TRAPPC10: variants seen among roughly 807,000 people sequenced by gnomAD.
TRAPPC10 encodes the protein TRAPP 130 kDa subunit.
In TRAPPC10, 23 loss-of-function variants were observed where a neutral mutation model predicts 125.5. The ratio of observed to expected loss-of-function variants is 0.18; its 90% CI spans 0.13 to 0.26. The LOEUF (loss-of-function observed/expected upper bound fraction) is 0.26, where lower values mean the gene tolerates loss of function less well. TRAPPC10 is among the 10% of genes least tolerant of loss of function. The probability of loss-of-function intolerance (pLI) is 1.00; values close to 1 mark genes in which losing one functional copy is unlikely to be tolerated. For missense variants in TRAPPC10, 1,123 were observed against 1,308.4 expected (o/e 0.86, Z 2.19); for synonymous variants, 509 against 518.0 (o/e 0.98, Z 0.24).
chr21:44,092,039 A>G lies in TRAPPC10; in HGVS notation c.2987A>G (p.Gln996Arg). The change falls in exon 19 of 23, where the codon CAG becomes CGG. Residue 996 changes from glutamine (Q) to arginine (R), a missense_variant. Transcript: ENST00000291574. ...TDLQLVPLNT[Q>R]SQQPIYSKQS... Reference sequence around the variant, plus strand: ...CTGCAACTAGTACCACTGAACACGCAGTCCCAGCAGGTAAACATTGTGTAG... The same window carrying G: ...CTGCAACTAGTACCACTGAACACGCGGTCCCAGCAGGTAAACATTGTGTAG... 4 of 1,614,136 alleles carry G rather than the reference A, an allele frequency of 2.5e-6. No homozygotes were observed. The highest frequency in any genetic ancestry group is 3.4e-6 in the Non-Finnish European group (4 of 1,179,996).
At chr21:44,032,320 G>T in intron 2 of TRAPPC10, 148 bp downstream of exon 2, 1 of 551,262 alleles carries the variant, frequency 1.8e-6, no homozygotes, top group Non-Finnish European at 3.1e-6. Flanking sequence ...GAAACAGAAT[G>T]ACCTCACATA....
intron 3 of TRAPPC10, among the ~76,000 whole-genome samples, chr21:44,040,816 A>C (rs56218303): frequency 6.9e-6 from 1 of 145,176 alleles, no homozygotes; most frequent in South Asian, 2.2e-4. Context: ...GGATCTTACC[A>C]TGTTGCCCAG....
At chr21:44,016,945 G>T (rs896751975) in intron 1 of TRAPPC10, among the ~76,000 whole-genome samples, 1 of 152,170 alleles carries the variant, frequency 6.6e-6, no homozygotes, top group Non-Finnish European at 1.5e-5. Context: ...ATGAGCCACC[G>T]CGCCCAGCCA....
chr21:44,091,828 A>AT, intron 18 of TRAPPC10, 95 bp from the exon 19 acceptor site: 1 of 1,212,080 alleles, frequency 8.3e-7, no homozygotes. Flanking sequence ...TGCTTTTTTG[A>AT]TTCCCCAGGC....
In TRAPPC10 at chr21:44,084,049, C is replaced by T. The variant is rs1357125761; in HGVS notation, c.2239-73C>T. The T allele has an allele frequency of 7.0e-6, 11 of 1,576,464 alleles. No homozygotes were observed. In the East Asian group the frequency reaches 2.5e-4, roughly 35 times the overall value. On this transcript the variant is annotated intron_variant, in intron 14 of 22. Coordinates refer to ENST00000291574, the MANE Select transcript of TRAPPC10 (RefSeq NM_003274.5). ...TTTCTGGAGTTCAGAGAGACCGCTGCACCGCGCTACCGCAGGAAGCTAACT... is the reference window on the plus strand; with the variant it reads ...TTTCTGGAGTTCAGAGAGACCGCTGTACCGCGCTACCGCAGGAAGCTAACT...
intron 18 of TRAPPC10, among the ~76,000 whole-genome samples, chr21:44,091,156 A>C (rs1455255764): frequency 6.6e-6 from 1 of 152,182 alleles, no homozygotes; most frequent in Non-Finnish European, 1.5e-5. Flanking sequence ...GTGCCATTGC[A>C]CCCCAGCCTG....
chr21:44,095,859 TGCCTG>T, intron 20 of TRAPPC10, among the ~76,000 whole-genome samples: 1 of 152,088 alleles, frequency 6.6e-6, no homozygotes, highest in Non-Finnish European at 1.5e-5. Context: ...TGAGCCGCCG[TGCCTG>T]GCCCAAAGTA....
chr21:44,038,358 T>G (rs1569156275), intron 3 of TRAPPC10, among the ~76,000 whole-genome samples: 1 of 151,980 alleles, frequency 6.6e-6, no homozygotes, highest in East Asian at 1.9e-4. Context: ...ATCATGACTT[T>G]CAGCTTTGTT....
intron 18 of TRAPPC10, among the ~76,000 whole-genome samples, chr21:44,090,775 G>T (rs147422749): frequency 6.6e-6 from 1 of 152,158 alleles, no homozygotes; most frequent in Non-Finnish European, 1.5e-5. Flanking sequence ...AAACAAAAAC[G>T]TCAGACCCAT....
At chr21:44,040,375 T>C (rs1052673488) in intron 3 of TRAPPC10, among the ~76,000 whole-genome samples, 1 of 152,164 alleles carries the variant, frequency 6.6e-6, no homozygotes, top group African/African-American at 2.4e-5. Context: ...CAAGGTCTTA[T>C]TCTGTCACTC....
At chr21:44,052,210 A>T in intron 3 of TRAPPC10, 70 bp from the exon 4 acceptor site, 1 of 1,322,152 alleles carries the variant, frequency 7.6e-7, no homozygotes, top group Non-Finnish European at 1.0e-6. Context: ...GGCTGTTATT[A>T]GGCACATTTT....
At chr21:44,014,485 A>ATTGC (rs1377060541) in intron 1 of TRAPPC10, among the ~76,000 whole-genome samples, 1 of 151,932 alleles carries the variant, frequency 6.6e-6, no homozygotes, top group Non-Finnish European at 1.5e-5. Flanking sequence ...GGCTCACTGC[A>ATTGC]ACCTCTGCCT....
chr21:44,045,749 G>A (rs1481693089), intron 3 of TRAPPC10, among the ~76,000 whole-genome samples: 1 of 151,818 alleles, frequency 6.6e-6, no homozygotes, highest in Non-Finnish European at 1.5e-5. Flanking sequence ...GTAGAGACGG[G>A]GTTTAACCGT....
At chr21:44,090,980 C>T (rs1408449155) in intron 18 of TRAPPC10, among the ~76,000 whole-genome samples, 2 of 152,238 alleles carry the variant, frequency 1.3e-5, no homozygotes, top group African/African-American at 2.4e-5. Flanking sequence ...ATCACGAGGT[C>T]GGGAGTTCAA....
rs542366792 is a variant in TRAPPC10 at position 44,018,691 on chromosome 21, C to CAA, written c.67+6148_67+6149dup. On this transcript the variant is annotated intron_variant, in intron 1 of 22. Coordinates refer to ENST00000291574, the MANE Select transcript of TRAPPC10 (RefSeq NM_003274.5). The stretch of plus-strand genomic sequence containing the variant: ...TCCAGCCTGGCGTGAGACTCCGTCT[C>CAA]AAAAAAAAAAAAAAAAAAGTATGTC... 3.8e-3 allele frequency among the ~76,000 whole-genome samples: 275 copies of CAA among 71,852 alleles called. 1 individual carries two copies. The highest frequency in any genetic ancestry group is 5.4e-3 in the Non-Finnish European group (185 of 34,068). The allele number at this position is 71,852 out of a possible 152,430, so 47.1% of individuals were successfully genotyped here.
At chr21:44,023,668 A>T (rs547361758) in intron 1 of TRAPPC10, among the ~76,000 whole-genome samples, 1 of 152,362 alleles carries the variant, frequency 6.6e-6, no homozygotes, top group South Asian at 2.1e-4. Flanking sequence ...TTTAGTGAAA[A>T]ATAGTATTTC....
At chr21:44,036,108 C>T (rs2033961637) in intron 2 of TRAPPC10, among the ~76,000 whole-genome samples, 1 of 152,126 alleles carries the variant, frequency 6.6e-6, no homozygotes, top group African/African-American at 2.4e-5. Context: ...GGCTGTCAAG[C>T]TTCTCCCAGA....
rs569400617 is a variant in TRAPPC10, at chr21:44,088,192, C to T, written c.2769+264C>T. The T allele has an allele frequency of 8.5e-5, 43 of 507,226 alleles. No homozygotes were observed. The East Asian group carries it at 1.1e-3, about 13-fold the overall frequency. 31.4% of individuals were successfully genotyped at this position (507,226 alleles called of 1,614,324 possible). ...GGAGTTTGCTGTAAGAGGTTAGGGCCGGCTTAGGCATGAGGGGCGTAAAAC... is the reference window on the plus strand; with the variant it reads ...GGAGTTTGCTGTAAGAGGTTAGGGCTGGCTTAGGCATGAGGGGCGTAAAAC... On this transcript the variant is annotated intron_variant, in intron 17 of 22. Transcript: ENST00000291574.
intron 14 of TRAPPC10, 54 bp downstream of exon 14, chr21:44,083,356 A>T: frequency 6.4e-7 from 1 of 1,572,654 alleles, no homozygotes; most frequent in Non-Finnish European, 8.6e-7. Flanking sequence ...AGGGCCGTGG[A>T]GCTTACAAGA....
Sources: allele counts gnomAD v4.1 joint callset (sites outside exome capture counted in the v4.1 genomes callset), GRCh38; gene constraint gnomAD v4.1.1; transcripts MANE v1.5; gene names NCBI Gene and HGNC (gene_info 2026-07-23, HGNC 2026-07-21).